FAM135B: variants seen among roughly 807,000 people sequenced by gnomAD.
FAM135B encodes protein FAM135B.
Under a neutral mutation model 127.7 loss-of-function variants are expected in FAM135B, and 43 were observed. That is an observed-to-expected ratio of 0.34 (90% CI 0.26 to 0.43). The LOEUF (loss-of-function observed/expected upper bound fraction) is 0.43. Ranked by LOEUF, FAM135B falls within the 20% of genes least tolerant of loss-of-function variation. FAM135B has a pLI of 1.00. For synonymous variants in FAM135B, 670 were observed against 665.1 expected, an observed-to-expected ratio of 1.01 and a Z score of -0.11; for missense variants, 1,558 against 1,725.6, an observed-to-expected ratio of 0.90 and a Z score of 1.72.
At chr8:138,139,975 A>C (rs1342872666) in intron 17 of FAM135B, among the ~76,000 whole-genome samples, 1 of 152,210 alleles carries the variant, frequency 6.6e-6, no homozygotes, top group African/African-American at 2.4e-5. Context: ...AAATATATAA[A>C]ATTACTCTGG....
chr8:138,382,773 A>G (rs889983516), intron 1 of FAM135B, among the ~76,000 whole-genome samples: 24 of 152,202 alleles, frequency 1.6e-4, no homozygotes, highest in African/African-American at 5.8e-4. Flanking sequence ...CAATTTAGAA[A>G]AAAACAATAA....
chr8:138,172,456 CA>C (rs1310041504), intron 11 of FAM135B, among the ~76,000 whole-genome samples: 1 of 152,238 alleles, frequency 6.6e-6, no homozygotes, highest in Non-Finnish European at 1.5e-5. Context: ...GTATAAATGT[CA>C]CCTTCTCTGA....
chr8:138,425,254 T>C (rs1034519945), intron 1 of FAM135B, among the ~76,000 whole-genome samples: 3 of 152,272 alleles, frequency 2.0e-5, no homozygotes, highest in South Asian at 2.1e-4. Context: ...GTGGGTAAGA[T>C]TGCTCAGTAT....
At position 138,132,553 on chromosome 8, in the gene FAM135B, C is replaced by CGATCGT; in HGVS notation, c.*34_*39dup. On this transcript the variant is annotated 3_prime_UTR_variant, in exon 20 of 20. Coordinates refer to ENST00000395297, the MANE Select transcript of FAM135B (RefSeq NM_015912.4). This position sits in a 1 kb window ranked among gnomAD's most constrained non-coding sequence, Gnocchi z 4.5. ...GCAGGTCTCAGCTAAAGCTCTCCAC[C>CGATCGT]GATCGTAAGCATTACCAAAGACCTG... The CGATCGT allele has an allele frequency of 6.5e-7, 1 of 1,539,110 alleles. No individual in the cohort carries two copies. Among genetic ancestry groups the CGATCGT allele is most frequent in the Non-Finnish European group, 9.0e-7 (1 of 1,113,128 alleles).
rs115263391 is a variant in FAM135B at position 138,346,944 on chromosome 8, T to C, written c.77+20963A>G. ...CATTGTATGATAATATGTGTCTGTT[T>C]CTATCATGAGGCTTTAGAAGCCCGA... On this transcript the variant is annotated intron_variant, in intron 2 of 19. Coordinates refer to ENST00000395297, the MANE Select transcript of FAM135B (RefSeq NM_015912.4). 5.8e-3 allele frequency among the ~76,000 whole-genome samples: 880 copies of C among 152,358 alleles called. 11 individuals are homozygous for C. The highest frequency in any genetic ancestry group is 0.02 in the African/African-American group (823 of 41,580).
intron 2 of FAM135B, among the ~76,000 whole-genome samples, chr8:138,355,897 T>G (rs956054170): frequency 3.9e-5 from 6 of 152,198 alleles, no homozygotes; most frequent in African/African-American, 1.2e-4. Context: ...TGAAACCTAA[T>G]GCCCTCCTAA....
intron 1 of FAM135B, among the ~76,000 whole-genome samples, chr8:138,474,247 C>T (rs142616464): frequency 1.0e-3 from 155 of 152,186 alleles, no homozygotes; most frequent in African/African-American, 3.5e-3. Context: ...AAAGTAAGGA[C>T]GTTGAGGCCA....
At chr8:138,258,959 G>A (rs192918683) in intron 4 of FAM135B, among the ~76,000 whole-genome samples, 1 of 152,180 alleles carries the variant, frequency 6.6e-6, no homozygotes, top group African/African-American at 2.4e-5. Flanking sequence ...AATATAAGAA[G>A]CTAGCATTTA....
intron 7 of FAM135B, among the ~76,000 whole-genome samples, chr8:138,198,340 C>T (rs1427364334): frequency 6.6e-6 from 1 of 152,142 alleles, no homozygotes; most frequent in Non-Finnish European, 1.5e-5. Flanking sequence ...TATAAATTAC[C>T]CAGCCTTGGG....
chr8:138,192,795 C>T (rs1816256181), intron 9 of FAM135B, among the ~76,000 whole-genome samples: 1 of 152,204 alleles, frequency 6.6e-6, no homozygotes, highest in South Asian at 2.1e-4. Flanking sequence ...GTACAGCTGG[C>T]TCTGCATGAA....
chr8:138,227,223 T>C (rs1281553122), intron 7 of FAM135B, among the ~76,000 whole-genome samples: 1 of 152,244 alleles, frequency 6.6e-6, no homozygotes, highest in Non-Finnish European at 1.5e-5. Context: ...ATATGGATGC[T>C]CATCTTTGCC....
chr8:138,362,693 T>C (rs979014448), intron 2 of FAM135B, among the ~76,000 whole-genome samples: 6 of 152,206 alleles, frequency 3.9e-5, no homozygotes, highest in Non-Finnish European at 7.3e-5. Flanking sequence ...GTATGACACA[T>C]GGTACGATTA....
intron 2 of FAM135B, among the ~76,000 whole-genome samples, chr8:138,362,081 G>A (rs575270420): frequency 6.6e-6 from 1 of 152,082 alleles, no homozygotes; most frequent in Admixed American, 6.6e-5. Flanking sequence ...TCATGGAGAA[G>A]AGAGTATTCA....
chr8:138,357,065 C>T (rs1303068518), intron 2 of FAM135B, among the ~76,000 whole-genome samples: 1 of 152,012 alleles, frequency 6.6e-6, no homozygotes, highest in Non-Finnish European at 1.5e-5. Context: ...TGAACATTAA[C>T]CTGGACTACA....
chr8:138,249,911 G>A (rs1048929597), intron 6 of FAM135B, among the ~76,000 whole-genome samples: 1 of 152,192 alleles, frequency 6.6e-6, no homozygotes, highest in African/African-American at 2.4e-5. Context: ...ATCTGGCCAT[G>A]CTGGGAGTAG....
intron 2 of FAM135B, among the ~76,000 whole-genome samples, chr8:138,344,577 C>CTTTTTTTTTTTT (rs869039075): frequency 4.6e-4 from 39 of 83,940 alleles, no homozygotes; most frequent in South Asian, 6.5e-4. Flanking sequence ...TTCTTTCTTT[C>CTTTTTTTTTTTT]TTTTTTTTTT....
chr8:138,144,660 T>C (rs1457107615), intron 15 of FAM135B, among the ~76,000 whole-genome samples: 1 of 152,178 alleles, frequency 6.6e-6, no homozygotes, highest in Non-Finnish European at 1.5e-5. Flanking sequence ...ATACTGCAAG[T>C]GGACCTGCTG....
intron 5 of FAM135B, among the ~76,000 whole-genome samples, chr8:138,256,114 C>A (rs1387804745): frequency 7.5e-6 from 1 of 133,278 alleles, no homozygotes; most frequent in Non-Finnish European, 1.7e-5. Context: ...TACTTATTAG[C>A]TGAAATATCC....
At chr8:138,423,384 TC>T (rs992400752) in intron 1 of FAM135B, among the ~76,000 whole-genome samples, 1 of 152,100 alleles carries the variant, frequency 6.6e-6, no homozygotes, top group Non-Finnish European at 1.5e-5. Flanking sequence ...TTTTCTATTT[TC>T]CCTAAGCATC....
Sources: gnomAD v4.1 joint callset for allele counts (sites outside exome capture counted in the v4.1 genomes callset) on GRCh38, gnomAD v4.1.1 for gene constraint, Gnocchi (gnomAD v3.1) non-coding constraint, MANE v1.5 for transcripts, NCBI Gene and HGNC (gene_info 2026-07-23, HGNC 2026-07-21) for gene names.